Variants in PTPRD observed in about 807,000 individuals in gnomAD.
The protein encoded by PTPRD is protein tyrosine phosphatase receptor type D, also known as receptor-type tyrosine-protein phosphatase delta.
In PTPRD, 34 loss-of-function variants were observed where a neutral mutation model predicts 214.5. That is an observed-to-expected ratio of 0.16 (90% CI 0.12 to 0.21). The LOEUF (loss-of-function observed/expected upper bound fraction) is 0.21. Among genes scored for constraint, PTPRD ranks in the 10% least tolerant of loss-of-function variants. The pLI, the probability that PTPRD is intolerant of heterozygous loss-of-function variation, is 1.00. For missense variants in PTPRD, 2,545 were observed against 2,398.7 expected, an observed-to-expected ratio of 1.06 and a Z score of -1.27; for synonymous variants, 1,128 against 845.7, an observed-to-expected ratio of 1.33 and a Z score of -5.79.
At chr9:8,322,511 T>C (rs1310209227) in intron 44 of PTPRD, among the ~76,000 whole-genome samples, 4 of 152,174 alleles carry the variant, frequency 2.6e-5, no homozygotes, top group Non-Finnish European at 5.9e-5. Context: ...AATCAAAGCC[T>C]AGGCCAGAGC....
At chr9:8,524,755 A>C in intron 18 of PTPRD, 170 bp downstream of exon 18, 2 of 754,838 alleles carry the variant, frequency 2.6e-6, no homozygotes, top group Middle Eastern at 2.3e-4. Flanking sequence ...TTTTGGAGTT[A>C]AACAACACAT....
At chr9:9,429,751 A>G (rs1045520460) in intron 8 of PTPRD, among the ~76,000 whole-genome samples, 15 of 152,182 alleles carry the variant, frequency 9.9e-5, no homozygotes, top group Admixed American at 9.2e-4. Flanking sequence ...TTCAACATAC[A>G]TAAATCAATA....
chr9:10,018,138 G>T (rs1259926159), intron 4 of PTPRD, among the ~76,000 whole-genome samples: 1 of 151,826 alleles, frequency 6.6e-6, no homozygotes, highest in Non-Finnish European at 1.5e-5. Context: ...CAAAAATAAA[G>T]AACCAGGATC....
intron 44 of PTPRD, among the ~76,000 whole-genome samples, chr9:8,331,027 C>CTTGAG (rs1554699482): frequency 6.8e-6 from 1 of 148,120 alleles, no homozygotes; most frequent in Non-Finnish European, 1.5e-5. Flanking sequence ...ACTTCAATGA[C>CTTGAG]TTGAGTTATA....
chr9:9,579,584 C>T (rs780053642), intron 7 of PTPRD, among the ~76,000 whole-genome samples: 3 of 151,984 alleles, frequency 2.0e-5, no homozygotes, highest in Non-Finnish European at 4.4e-5. Flanking sequence ...CCTCCCCTGC[C>T]ACCTCCACAC....
chr9:8,908,070 A>G (rs528934531), intron 11 of PTPRD, among the ~76,000 whole-genome samples: 64 of 152,296 alleles, frequency 4.2e-4, no homozygotes, highest in African/African-American at 1.5e-3. Flanking sequence ...ATGACTCACC[A>G]CATACAAGGA....
chr9:9,110,096 G>C (rs188282490), intron 10 of PTPRD, among the ~76,000 whole-genome samples: 1 of 152,166 alleles, frequency 6.6e-6, no homozygotes, highest in East Asian at 1.9e-4. Context: ...GTTATGGCAT[G>C]GGGAGAAGAA....
intron 11 of PTPRD, among the ~76,000 whole-genome samples, chr9:8,909,629 G>A (rs1166100903): frequency 6.6e-6 from 1 of 152,054 alleles, no homozygotes; most frequent in Non-Finnish European, 1.5e-5. Flanking sequence ...AAATTCTACA[G>A]CTAGCATAAT....
At chr9:9,149,815 G>C (rs2099875048) in intron 10 of PTPRD, among the ~76,000 whole-genome samples, 1 of 152,172 alleles carries the variant, frequency 6.6e-6, no homozygotes, top group South Asian at 2.1e-4. Flanking sequence ...CAGCTGCCTG[G>C]CTGTACTGTT....
intron 9 of PTPRD, among the ~76,000 whole-genome samples, chr9:9,247,693 A>AG (rs561669745): frequency 7.9e-5 from 12 of 152,090 alleles, no homozygotes; most frequent in Non-Finnish European, 1.5e-4. Context: ...GATCTCCAGC[A>AG]GGGAGTCACC....
intron 9 of PTPRD, among the ~76,000 whole-genome samples, chr9:9,391,063 C>T (rs142463544): frequency 2.2e-4 from 33 of 152,212 alleles, no homozygotes; most frequent in African/African-American, 7.5e-4. Context: ...GCATTAAGTG[C>T]ACTAATTGAC....
At position 9,046,946 on chromosome 9, in the gene PTPRD, G is replaced by A. The variant is rs146627153; in HGVS notation, c.-142-28211C>T. On this transcript the variant is annotated intron_variant, in intron 10 of 45. Transcript: ENST00000381196. ...AATCAGACAAGAGAAAGAAATAAAAGGCATCCAAATTGGAATGGAAAAAGT... is the reference window on the plus strand; with the variant it reads ...AATCAGACAAGAGAAAGAAATAAAAAGCATCCAAATTGGAATGGAAAAAGT... Among the ~76,000 whole-genome samples, 195 of 152,148 alleles carry A rather than the reference G, an allele frequency of 1.3e-3. 3 individuals carry two copies. The East Asian group carries it at 0.023, about 18-fold the overall frequency.
intron 8 of PTPRD, among the ~76,000 whole-genome samples, chr9:9,478,044 T>C (rs779662747): frequency 8.8e-4 from 134 of 152,318 alleles, no homozygotes; most frequent in Middle Eastern, 3.4e-3. Context: ...ACATGGACCG[T>C]TCTGAAAAAT....
In PTPRD at chr9:10,167,259, A is replaced by G. The variant is rs564037542; in HGVS notation, c.-544-133469T>C. Among the ~76,000 whole-genome samples the G allele has an allele frequency of 3.9e-5, 6 of 152,100 alleles. No homozygotes were observed. In the East Asian group the frequency reaches 1.2e-3, roughly 29 times the overall value. ...GTAATAGTGGAGCTAATTCTCACCT[A>G]TTTTTGAGCACTCATGGCAATACAA... On this transcript the variant is annotated intron_variant, in intron 3 of 45. Coordinates refer to ENST00000381196, the MANE Select transcript of PTPRD (RefSeq NM_002839.4).
intron 11 of PTPRD, among the ~76,000 whole-genome samples, chr9:8,840,884 T>C (rs965334996): frequency 6.6e-6 from 1 of 152,196 alleles, no homozygotes; most frequent in Admixed American, 6.5e-5. Flanking sequence ...CTGCATCTTC[T>C]ACAGTGCATG....
At chr9:10,449,615 C>G (rs1163130876) in intron 2 of PTPRD, among the ~76,000 whole-genome samples, 1 of 150,898 alleles carries the variant, frequency 6.6e-6, no homozygotes, top group African/African-American at 2.5e-5. Context: ...AGCCGCCCAT[C>G]GTCTGAGATG....
intron 2 of PTPRD, among the ~76,000 whole-genome samples, chr9:10,580,893 CATGTCTAATG>C (rs2071496063): frequency 6.6e-6 from 1 of 152,110 alleles, no homozygotes; most frequent in Non-Finnish European, 1.5e-5. Context: ...CATAGACTTG[CATGTCTAATG>C]AGAACCAAAT....
At chr9:9,235,845 T>C (rs1217529237) in intron 9 of PTPRD, among the ~76,000 whole-genome samples, 1 of 149,456 alleles carries the variant, frequency 6.7e-6, no homozygotes, top group Non-Finnish European at 1.5e-5. Context: ...ATTCAGTAAC[T>C]CTGGTGACTT....
chr9:8,781,943 A>G (rs111679147), intron 11 of PTPRD, among the ~76,000 whole-genome samples: 11 of 151,970 alleles, frequency 7.2e-5, no homozygotes, highest in African/African-American at 2.4e-4. Context: ...ATTTAAAAGT[A>G]TGGTGTTAGC....
Sources: gnomAD v4.1 joint callset for allele counts (sites outside exome capture counted in the v4.1 genomes callset) on GRCh38, gnomAD v4.1.1 for gene constraint, MANE v1.5 for transcripts, NCBI Gene and HGNC (gene_info 2026-07-23, HGNC 2026-07-21) for gene names.